Variants in IGSF10 observed in about 807,000 individuals in gnomAD.
IGSF10 encodes the protein immunoglobulin superfamily member 10.
IGSF10 carries 126 observed loss-of-function variants against 128.2 expected under a neutral mutation model. The ratio of observed to expected loss-of-function variants is 0.98; its 90% CI spans 0.85 to 1.14. The LOEUF (loss-of-function observed/expected upper bound fraction) is 1.14, where lower values mean the gene tolerates loss of function less well. IGSF10 is among the 50% of genes most tolerant of loss of function. The pLI is 0.00. For missense variants in IGSF10, 3,295 were observed against 3,149.8 expected (o/e 1.05, Z -1.10); for synonymous variants, 1,185 against 1,146.2 (o/e 1.03, Z -0.68).
chr3:151,585,177 T>C, the IGSF10 span, among the ~76,000 whole-genome samples: 1 of 152,168 alleles, frequency 6.6e-6, no homozygotes, highest in East Asian at 1.9e-4. Flanking sequence ...ATTTGAAAGA[T>C]TTAGTACAAA....
At chr3:151,533,780 C>G in the IGSF10 span, among the ~76,000 whole-genome samples, 1 of 152,148 alleles carries the variant, frequency 6.6e-6, no homozygotes, top group African/African-American at 2.4e-5. Flanking sequence ...AAAGCAATGG[C>G]AACAAAAGCC....
Position 151,460,999 on chromosome 3 carries a change from C to T in IGSF10, c.-142G>A, listed in dbSNP as rs370789765. 3.1e-6 allele frequency: 3 copies of T among 981,434 alleles called. No homozygotes were observed. Among genetic ancestry groups the T allele is most frequent in the African/African-American group, 1.7e-5 (1 of 57,154 alleles). 60.8% of individuals were successfully genotyped at this position (981,434 alleles called of 1,614,324 possible). A position where few individuals can be genotyped will look rare whatever the true frequency, so the allele number is the denominator to read the frequency against. On this transcript the variant is annotated 5_prime_UTR_variant, in exon 1 of 8. Coordinates refer to ENST00000282466, the MANE Select transcript of IGSF10 (RefSeq NM_178822.5). ...AGCTGCCCGGGCTAGGTCCCGGGCT[C>T]GGTCCCGGGCTCAGCTGCTGGGGTC...
chr3:151,488,832 A>G, the IGSF10 span, among the ~76,000 whole-genome samples: 1 of 152,260 alleles, frequency 6.6e-6, no homozygotes, highest in Non-Finnish European at 1.5e-5. Context: ...CTCAAGATGT[A>G]TTAAAGACTT....
At chr3:151,501,857 T>C in the IGSF10 span, among the ~76,000 whole-genome samples, 1 of 152,110 alleles carries the variant, frequency 6.6e-6, no homozygotes, top group African/African-American at 2.4e-5. Flanking sequence ...GAAAAATTAG[T>C]GAAATAGCTC....
the IGSF10 span, among the ~76,000 whole-genome samples, chr3:151,516,959 A>T: frequency 6.6e-6 from 1 of 151,288 alleles, no homozygotes; most frequent in Non-Finnish European, 1.5e-5. Flanking sequence ...TTTCCCACCA[A>T]TTGTATTTGG....
chr3:151,582,561 A>G, the IGSF10 span, among the ~76,000 whole-genome samples: 2 of 152,036 alleles, frequency 1.3e-5, no homozygotes, highest in Non-Finnish European at 2.9e-5. Context: ...GATTTATGCT[A>G]TTGTATTTAG....
At chr3:151,563,195 C>G in the IGSF10 span, among the ~76,000 whole-genome samples, 1 of 152,084 alleles carries the variant, frequency 6.6e-6, no homozygotes, top group Non-Finnish European at 1.5e-5. Flanking sequence ...CACCCTGCGG[C>G]CCTCTAGGAG....
the IGSF10 span, among the ~76,000 whole-genome samples, chr3:151,601,884 G>T: frequency 6.6e-6 from 1 of 152,206 alleles, no homozygotes; most frequent in Non-Finnish European, 1.5e-5. Flanking sequence ...GGCAGTTAGT[G>T]ACAACCTTCA....
intron 7 of IGSF10, among the ~76,000 whole-genome samples, chr3:151,439,624 A>C (rs1720716803): frequency 6.7e-6 from 1 of 150,206 alleles, no homozygotes; most frequent in Non-Finnish European, 1.5e-5. Flanking sequence ...GAAAAAAATA[A>C]ATTTTACTTT....
At chr3:151,577,919 T>C in the IGSF10 span, among the ~76,000 whole-genome samples, 1 of 152,122 alleles carries the variant, frequency 6.6e-6, no homozygotes, top group Non-Finnish European at 1.5e-5. Context: ...AACCCAAGCA[T>C]TTGTGCTCTT....
chr3:151,617,547 G>A, the IGSF10 span, among the ~76,000 whole-genome samples: 1 of 151,692 alleles, frequency 6.6e-6, no homozygotes, highest in African/African-American at 2.4e-5. Context: ...AAGATGAATT[G>A]TCACTTGAGT....
chr3:151,547,437 C>T, the IGSF10 span, among the ~76,000 whole-genome samples: 15,446 of 150,366 alleles, frequency 0.1, 863 homozygotes, highest in Middle Eastern at 0.16. Flanking sequence ...TATACACACA[C>T]ACACACACAC....
At chr3:151,590,487 T>C in the IGSF10 span, among the ~76,000 whole-genome samples, 1 of 152,202 alleles carries the variant, frequency 6.6e-6, no homozygotes, top group Non-Finnish European at 1.5e-5. Flanking sequence ...TGGTCCCTGA[T>C]GAAAATCTGT....
chr3:151,500,133 G>A, the IGSF10 span, among the ~76,000 whole-genome samples: 2 of 152,078 alleles, frequency 1.3e-5, no homozygotes, highest in Non-Finnish European at 2.9e-5. Context: ...CTTAGGAATA[G>A]CACCTTGGTA....
chr3:151,434,099 A>T (rs1317900355), downstream of IGSF10: 1 of 152,200 alleles, frequency 6.6e-6, no homozygotes, highest in African/African-American at 2.4e-5. Flanking sequence ...TTTAAAACAT[A>T]TGTGGGGGAT....
At chr3:151,466,036 T>A (rs1722272904), upstream of IGSF10, among the ~76,000 whole-genome samples, 1 of 152,214 alleles carries the variant, frequency 6.6e-6, no homozygotes, top group Non-Finnish European at 1.5e-5. Flanking sequence ...CCTTTTTTTG[T>A]CTATAAATTT....
chr3:151,445,897 G>A lies in IGSF10; in HGVS notation c.4084C>T (p.Pro1362Ser), dbSNP rs1372461167. Residue 1362 changes from proline to serine, a missense_variant, in exon 6 of 8, where the codon CCA becomes TCA. Pro to Ser is a moderately conservative substitution (Grantham distance 74, BLOSUM62 -1). Transcript: ENST00000282466. ...GTAGTGAAGCCAGAACTCTGGTCTG[G>A]AGAGATGTTTGGGTCAGTCCTGTTC... ...KKNRTDPNIS[P>S]DQSSGFTTPT... 2.5e-6 allele frequency: 4 copies of A among 1,614,074 alleles called. No homozygotes were observed. Among genetic ancestry groups the A allele is most frequent in the Admixed American group, 3.3e-5 (2 of 60,002 alleles).
chr3:151,478,413 A>T, the IGSF10 span, among the ~76,000 whole-genome samples: 1 of 152,238 alleles, frequency 6.6e-6, no homozygotes, highest in Non-Finnish European at 1.5e-5. Context: ...ACATTGCTTT[A>T]AGAGATTTCT....
intron 5 of IGSF10, among the ~76,000 whole-genome samples, chr3:151,449,663 G>A (rs959177257): frequency 6.6e-6 from 1 of 152,014 alleles, no homozygotes; most frequent in Non-Finnish European, 1.5e-5. Flanking sequence ...ATTTTAAGAT[G>A]GCCACAGGAC....
Sources: allele counts gnomAD v4.1 joint callset (sites outside exome capture counted in the v4.1 genomes callset), GRCh38; gene constraint gnomAD v4.1.1; transcripts MANE v1.5; gene names NCBI Gene and HGNC (gene_info 2026-07-23, HGNC 2026-07-21).